PARD6G: variants seen among roughly 807,000 people sequenced by gnomAD.
PARD6G encodes partitioning defective 6 homolog gamma.
PARD6G carries 7 observed loss-of-function variants against 10.7 expected under a neutral mutation model. The ratio of observed to expected loss-of-function variants is 0.66; its 90% confidence interval spans 0.37 to 1.23. The LOEUF is 1.23. Ranked by LOEUF, PARD6G falls within the 50% of genes most tolerant of loss-of-function variation. The probability of loss-of-function intolerance (pLI) is 0.02; values close to 1 mark genes in which losing one functional copy is unlikely to be tolerated. For synonymous variants in PARD6G, 287 were observed against 269.4 expected (o/e 1.07, Z -0.64); for missense variants, 548 against 571.8 (o/e 0.96, Z 0.42).
chr18:80,173,538 T>C (rs2052790557), intron 2 of PARD6G, among the ~76,000 whole-genome samples: 1 of 151,450 alleles, frequency 6.6e-6, no homozygotes, highest in African/African-American at 2.4e-5. Context: ...GGGAGGAAAA[T>C]CGCTTGAACC....
intron 2 of PARD6G, among the ~76,000 whole-genome samples, chr18:80,191,002 T>G (rs954190229): frequency 3.9e-5 from 6 of 152,170 alleles, no homozygotes; most frequent in African/African-American, 1.4e-4. Context: ...GAGGCTCCAT[T>G]AGACTCCTCT....
At chr18:80,174,388 CA>C (rs1019930964) in intron 2 of PARD6G, among the ~76,000 whole-genome samples, 2 of 152,112 alleles carry the variant, frequency 1.3e-5, no homozygotes, top group African/African-American at 4.8e-5. Context: ...GGGTGATCGA[CA>C]ACTCCTGGGC....
intron 1 of PARD6G, among the ~76,000 whole-genome samples, chr18:80,212,609 G>A (rs1019887479): frequency 7.2e-5 from 11 of 152,190 alleles, no homozygotes; most frequent in Admixed American, 5.9e-4. Flanking sequence ...GTTTTGGCCG[G>A]GTGTGGTGGC....
chr18:80,203,125 A>T lies in PARD6G; in HGVS notation c.73-193T>A, dbSNP rs1419164566. Reference sequence around the variant, plus strand: ...TGAATAGTGCTGGAATGAAGCTACAAATGCTTTTAATACGATTTCTCTTCC... The same window carrying T: ...TGAATAGTGCTGGAATGAAGCTACATATGCTTTTAATACGATTTCTCTTCC... On this transcript the variant is annotated intron_variant, in intron 1 of 2. Transcript: ENST00000353265. 3 of 531,596 alleles carry T rather than the reference A, an allele frequency of 5.6e-6. No homozygotes were observed. The African/African-American group carries it at 5.7e-5, about 10-fold the overall frequency. The allele number at this position is 531,596 out of a possible 1,614,324, so 32.9% of individuals were successfully genotyped here.
chr18:80,179,927 T>C (rs907710338), intron 2 of PARD6G, among the ~76,000 whole-genome samples: 1 of 152,256 alleles, frequency 6.6e-6, no homozygotes, highest in African/African-American at 2.4e-5. Context: ...GAAGGTGCCA[T>C]GAGCGTGCTG....
At chr18:80,173,213 C>A (rs1451740808) in intron 2 of PARD6G, among the ~76,000 whole-genome samples, 1 of 152,166 alleles carries the variant, frequency 6.6e-6, no homozygotes, top group Non-Finnish European at 1.5e-5. Context: ...GCATGTGATG[C>A]ACACTAGGAA....
chr18:80,159,961 TG>T lies in PARD6G; in HGVS notation c.940del (p.Gln314ArgfsTer78), dbSNP rs755217812. ...EGTLEPARPP[Q>X]TPGAPAGSLS... ...GCTGCCTGCGGGCGCGCCCGGGGTC[TG>T]GGGGGGACGTGCAGGCTCCAGTGTG... On this transcript the variant is annotated frameshift_variant, in exon 3 of 3. Coordinates refer to ENST00000353265, the MANE Select transcript of PARD6G (RefSeq NM_032510.4). LOFTEE classifies it low-confidence loss of function (END_TRUNC). The T allele has an allele frequency of 3.0e-5, 45 of 1,495,868 alleles. No individual in the cohort carries two copies. The highest frequency in any genetic ancestry group is 5.4e-5 in the South Asian group (4 of 73,688). The allele number at this position is 1,495,868 out of a possible 1,614,324, so 92.7% of individuals were successfully genotyped here. A position where few individuals can be genotyped will look rare whatever the true frequency, so the allele number is the denominator to read the frequency against.
intron 1 of PARD6G, among the ~76,000 whole-genome samples, chr18:80,222,629 C>A (rs112845477): frequency 0.026 from 3,909 of 152,090 alleles, 159 homozygotes; most frequent in African/African-American, 0.089. Flanking sequence ...CCAGGGGAAC[C>A]GAATTGAGAG....
intron 1 of PARD6G, among the ~76,000 whole-genome samples, chr18:80,240,362 T>A (rs186328081): frequency 2.0e-3 from 299 of 152,352 alleles, no homozygotes; most frequent in Non-Finnish European, 3.2e-3. Flanking sequence ...AGTAATTTTC[T>A]AAATTTGCTC....
intron 1 of PARD6G, among the ~76,000 whole-genome samples, chr18:80,236,802 G>A (rs1967428695): frequency 6.6e-6 from 1 of 152,100 alleles, no homozygotes; most frequent in Non-Finnish European, 1.5e-5. Flanking sequence ...GGATGTGAAG[G>A]AACTTTTTCA....
Position 80,175,493 on chromosome 18 carries a change from G to A in PARD6G, c.296-14887C>T, listed in dbSNP as rs538248579. On this transcript the variant is annotated intron_variant, in intron 2 of 2. Transcript: ENST00000353265. The surrounding 1 kb of genome is among the most constrained non-coding windows in gnomAD (Gnocchi z 6.7). ...CACAGTCTGATTAGGTCAGGGCTTC[G>A]TCCTTACGATCTTATTTAACCTTCA... Among the ~76,000 whole-genome samples the A allele has an allele frequency of 4.6e-5, 7 of 152,250 alleles. No homozygotes were observed. In the South Asian group the frequency reaches 1.0e-3, roughly 23 times the overall value.
Position 80,228,868 on chromosome 18 carries a change from G to C in PARD6G, c.72+18409C>G, listed in dbSNP as rs539043464. Among the ~76,000 whole-genome samples, 10 of 152,344 alleles carry C rather than the reference G, an allele frequency of 6.6e-5. No homozygotes were observed. Among genetic ancestry groups the C allele is most frequent in the Non-Finnish European group, 1.3e-4 (9 of 68,036 alleles). The stretch of plus-strand genomic sequence containing the variant: ...CAAAATACTTATAAGGGTGACAAAT[G>C]GAAACAGTAAGTGCATCAAACACAT... On this transcript the variant is annotated intron_variant, in intron 1 of 2. Transcript: ENST00000353265. The surrounding 1 kb of genome is among the most constrained non-coding windows in gnomAD (Gnocchi z 4.6).
At chr18:80,242,669 T>G (rs922750453) in intron 1 of PARD6G, among the ~76,000 whole-genome samples, 1 of 152,184 alleles carries the variant, frequency 6.6e-6, no homozygotes, top group Non-Finnish European at 1.5e-5. Flanking sequence ...TCTGCACTGA[T>G]TGGAAACATT....
At chr18:80,196,274 C>G (rs1162710258) in intron 2 of PARD6G, among the ~76,000 whole-genome samples, 1 of 152,142 alleles carries the variant, frequency 6.6e-6, no homozygotes, top group East Asian at 1.9e-4. Flanking sequence ...CTACGTCCAA[C>G]TAACCACGTC....
At chr18:80,190,503 C>T (rs777453693) in intron 2 of PARD6G, among the ~76,000 whole-genome samples, 6 of 152,160 alleles carry the variant, frequency 3.9e-5, no homozygotes, top group Admixed American at 2.6e-4. Context: ...CACCCATGAG[C>T]GCCTGAGCAC....
intron 1 of PARD6G, among the ~76,000 whole-genome samples, chr18:80,219,067 T>A (rs759016531): frequency 1.3e-4 from 20 of 152,338 alleles, no homozygotes; most frequent in Non-Finnish European, 2.4e-4. Context: ...TCCAGGCCTG[T>A]GATGACAGGG....
intron 1 of PARD6G, among the ~76,000 whole-genome samples, chr18:80,220,690 A>T (rs973051609): frequency 2.0e-5 from 3 of 151,924 alleles, no homozygotes; most frequent in South Asian, 2.1e-4. Context: ...GGTTCACTGC[A>T]ACCTCCACCT....
chr18:80,194,283 C>T (rs749526064), intron 2 of PARD6G, among the ~76,000 whole-genome samples: 117 of 152,110 alleles, frequency 7.7e-4, no homozygotes, highest in Non-Finnish European at 1.3e-3. Flanking sequence ...GTGTGAGGTG[C>T]GTGCCTGTCG....
chr18:80,168,573 T>TTGTGTGTGTGTGTGTGTG (rs3051500), intron 2 of PARD6G, among the ~76,000 whole-genome samples: 2 of 144,336 alleles, frequency 1.4e-5, no homozygotes, highest in East Asian at 2.0e-4. Context: ...CAAATTATGT[T>TTGTGTGTGTGTGTGTGTG]TGTGTGTGTG....
Sources: gnomAD v4.1 joint callset for allele counts (sites outside exome capture counted in the v4.1 genomes callset) on GRCh38, gnomAD v4.1.1 for gene constraint, Gnocchi (gnomAD v3.1) non-coding constraint, MANE v1.5 for transcripts, NCBI Gene and HGNC (gene_info 2026-07-23, HGNC 2026-07-21) for gene names.